The following PKMYT1 variants were observed in gnomAD, a reference collection of about 807,000 sequenced individuals.
PKMYT1 encodes membrane-associated tyrosine- and threonine-specific cdc2-inhibitory kinase.
A neutral mutation model predicts 49.7 loss-of-function variants in PKMYT1; 35 were observed. That is an observed-to-expected ratio of 0.70 (90% CI 0.54 to 0.93). PKMYT1 has a LOEUF of 0.93. Ranked by LOEUF, PKMYT1 falls within the 40% of genes least tolerant of loss-of-function variation. The pLI, the probability that PKMYT1 is intolerant of heterozygous loss-of-function variation, is 0.00. For missense variants in PKMYT1, 677 were observed against 673.1 expected (o/e 1.01, Z -0.06); for synonymous variants, 331 against 287.6 (o/e 1.15, Z -1.53).
chr16:2,973,310 TGACA>T, intron 7 of PKMYT1, 95 bp from the exon 8 acceptor site: 15 of 1,514,698 alleles, frequency 9.9e-6, no homozygotes, highest in Non-Finnish European at 1.3e-5. Context: ...GGCTCCCGCC[TGACA>T]AACAGGCAGG....
Position 2,975,428 on chromosome 16 carries a change from G to A in PKMYT1, c.763C>T (p.Leu255=). 6.2e-7 allele frequency: 1 copy of A among 1,613,274 alleles called. No homozygotes were observed. Among genetic ancestry groups the A allele is most frequent in the African/African-American group, 1.3e-5 (1 of 75,060 alleles). ...GRCKLGDFGL[L]VELGTAGAGE... The stretch of plus-strand genomic sequence containing the variant: ...GCTCCTGCTGTACCCAGCTCCACCA[G>A]CAGTCCGAAGTCACCCAGCTTGCAG... Residue 255 remains leucine (L), a synonymous_variant, in exon 4 of 9, where the codon CTG becomes TTG. Coordinates refer to ENST00000262300, the MANE Select transcript of PKMYT1 (RefSeq NM_004203.5).
At chr16:2,977,524 A>G in intron 2 of PKMYT1, 1 of 988,788 alleles carries the variant, frequency 1.0e-6, no homozygotes, top group African/African-American at 1.7e-5. Context: ...CCAGAATGGC[A>G]GTGTGTGCAG....
At chr16:2,978,516 G>A (rs1470806365) in intron 2 of PKMYT1, among the ~76,000 whole-genome samples, 1 of 152,156 alleles carries the variant, frequency 6.6e-6, no homozygotes, top group Non-Finnish European at 1.5e-5. Flanking sequence ...AGGAGGCTGA[G>A]GTGAGTAAAT....
At position 2,977,051 on chromosome 16, in the gene PKMYT1, C is replaced by CT. The variant is rs1268067109; in HGVS notation, c.11-21dup. 1 of 1,590,302 alleles carries CT rather than the reference C, an allele frequency of 6.3e-7. No individual in the cohort carries two copies. The highest frequency in any genetic ancestry group is 1.1e-5 in the South Asian group (1 of 89,094). On this transcript the variant is annotated intron_variant, in intron 2 of 8. Transcript: ENST00000262300. ...GAGGCCCTGGGGGCAGAGACAGAGG[C>CT]TGAGTACAGGGCAGCATGTCCACTC...
In PKMYT1 at chr16:2,979,803, C is replaced by G. The variant is rs553661069; in HGVS notation, c.-146G>C. 1.2e-6 allele frequency: 1 copy of G among 844,920 alleles called. No homozygotes were observed. Among genetic ancestry groups the G allele is most frequent in the South Asian group, 1.5e-5 (1 of 66,320 alleles). The allele number at this position is 844,920 out of a possible 1,614,324, so 52.3% of individuals were successfully genotyped here. On this transcript the variant is annotated 5_prime_UTR_variant, in exon 2 of 9. Coordinates refer to ENST00000262300, the MANE Select transcript of PKMYT1 (RefSeq NM_004203.5). ...GCCCTGGGCGATCGGGCCGTCTCGCCTCACCCTCTCACCAGGCCCGACACA... is the reference window on the plus strand; with the variant it reads ...GCCCTGGGCGATCGGGCCGTCTCGCGTCACCCTCTCACCAGGCCCGACACA...
Position 2,975,428 on chromosome 16 carries a change from G to C in PKMYT1, c.763C>G (p.Leu255Val), listed in dbSNP as rs1170817134. ...GRCKLGDFGL[L>V]VELGTAGAGE... is the part of the protein sequence containing the mutation. ...GCTCCTGCTGTACCCAGCTCCACCA[G>C]CAGTCCGAAGTCACCCAGCTTGCAG... The change falls in exon 4 of 9, where the codon CTG becomes GTG. Residue 255 changes from leucine (L) to valine (V), a missense_variant. By Grantham distance (32) the Leu-to-Val change is conservative. Transcript: ENST00000262300. 6.2e-7 allele frequency: 1 copy of C among 1,613,274 alleles called. No homozygotes were observed. The highest frequency in any genetic ancestry group is 8.5e-7 in the Non-Finnish European group (1 of 1,180,002).
chr16:2,977,777 A>C (rs1483137462), intron 2 of PKMYT1, among the ~76,000 whole-genome samples: 1 of 152,132 alleles, frequency 6.6e-6, no homozygotes, highest in Non-Finnish European at 1.5e-5. Context: ...GCCAAGAAGA[A>C]GGGCTCCCTC....
chr16:2,976,781 C>G lies in PKMYT1; in HGVS notation c.261G>C (p.Glu87Asp), dbSNP rs750333562. The G allele has an allele frequency of 6.3e-7, 1 of 1,577,582 alleles. No individual in the cohort carries two copies. Among genetic ancestry groups the G allele is most frequent in the Admixed American group, 1.8e-5 (1 of 56,048 alleles). Residue 87 changes from glutamate to aspartate, a missense_variant, in exon 3 of 9, where the codon GAG becomes GAC. Physicochemically the swap from Glu to Asp is conservative, Grantham distance 45. Transcript: ENST00000262300. Reference sequence around the variant, plus strand: ...CAGGGCTCTGCAGAGTCTCTGAGGCCTCGCCCCGGAATGACACCCGCCGGG... The same window carrying G: ...CAGGGCTCTGCAGAGTCTCTGAGGCGTCGCCCCGGAATGACACCCGCCGGG... ...LQPRRVSFRG[E>D]ASETLQSPGY...
chr16:2,976,855 T>C lies in PKMYT1; in HGVS notation c.187A>G (p.Ile63Val). ...PPPPAKGSIP[I>V]SRLFPPRTPG... ...GTCCGAGGAGGGAAGAGGCGGCTGA[T>C]GGGAATGCTGCCCTTGGCAGGGGGC... Residue 63 changes from isoleucine (I) to valine (V), a missense_variant, in exon 3 of 9, where the codon ATC (isoleucine) becomes GTC (valine). Physicochemically the swap from Ile to Val is conservative, Grantham distance 29. Coordinates refer to ENST00000262300, the MANE Select transcript of PKMYT1 (RefSeq NM_004203.5). The C allele has an allele frequency of 1.3e-6, 2 of 1,536,718 alleles. No individual in the cohort carries two copies. The highest frequency in any genetic ancestry group is 1.8e-6 in the Non-Finnish European group (2 of 1,138,420).
At chr16:2,976,016 C>A in intron 3 of PKMYT1, 1 of 598,612 alleles carries the variant, frequency 1.7e-6, no homozygotes, top group Non-Finnish European at 2.9e-6. Context: ...GGAGACCCAG[C>A]GACGGAGGAG....
intron 7 of PKMYT1, chr16:2,973,522 G>T: frequency 8.1e-7 from 1 of 1,228,378 alleles, no homozygotes; most frequent in South Asian, 1.3e-5. Flanking sequence ...CAAGTGCCCC[G>T]AGGGATGAGG....
chr16:2,975,594 CT>C lies in PKMYT1; in HGVS notation c.596del (p.Glu199GlyfsTer140). 6.2e-7 allele frequency: 1 copy of C among 1,611,704 alleles called. No homozygotes were observed. Among genetic ancestry groups the C allele is most frequent in the South Asian group, 1.1e-5 (1 of 91,014 alleles). On this transcript the variant is annotated frameshift_variant, in exon 4 of 9. Transcript: ENST00000262300. LOFTEE classifies it high-confidence loss of function. ...LCGPSLQQHCEAWGASLPEAQ... is the reference protein window; with the variant it reads ...LCGPSLQQHCXAWGASLPEAQ... Reference sequence around the variant, plus strand: ...CCTCAGGCAGGCTGGCACCCCAGGCCTCACAGTGTTGCTGCAGGCTGGGCCC... The same window carrying C: ...CCTCAGGCAGGCTGGCACCCCAGGCCCACAGTGTTGCTGCAGGCTGGGCCC...
At chr16:2,978,771 G>T (rs1034650802) in intron 2 of PKMYT1, among the ~76,000 whole-genome samples, 2 of 147,238 alleles carry the variant, frequency 1.4e-5, no homozygotes, top group Non-Finnish European at 3.0e-5. Context: ...AATTTAATTG[G>T]ATTGGACCGT....
intron 4 of PKMYT1, chr16:2,974,922 C>T (rs1253230997): frequency 8.8e-6 from 5 of 568,470 alleles, no homozygotes; most frequent in Non-Finnish European, 1.6e-5. Flanking sequence ...ACAGGCACCA[C>T]AGTTACTGCT....
chr16:2,980,037 GGTT>G, intron 1 of PKMYT1, 125 bp from the exon 2 acceptor site: 1 of 279,948 alleles, frequency 3.6e-6, no homozygotes, highest in Non-Finnish European at 6.9e-6. Flanking sequence ...GGCGGCGCGG[GGTT>G]GATGGACAGC....
In PKMYT1 at chr16:2,974,379, GCAT is replaced by G; in HGVS notation, c.1015_1017del (p.Met339del). 1 of 1,611,524 alleles carries G rather than the reference GCAT, an allele frequency of 6.2e-7. No individual in the cohort carries two copies. The highest frequency in any genetic ancestry group is 2.2e-5 in the East Asian group (1 of 44,858). ...GCCCGCAGCTTGGGGTCTGGCTCCA[GCAT>G]CATGACAAGGACAGAACGCAGCTCG... On this transcript the variant is annotated inframe_deletion, in exon 6 of 9. Transcript: ENST00000262300.
At chr16:2,976,002 C>G (rs1313113240) in intron 3 of PKMYT1, 190 bp from the exon 4 acceptor site, 1 of 640,478 alleles carries the variant, frequency 1.6e-6, no homozygotes, top group Non-Finnish European at 2.6e-6. Context: ...CGGGCTGGGT[C>G]TGTGGAGACC....
At position 2,974,551 on chromosome 16, in the gene PKMYT1, G is replaced by A. The variant is rs760346247; in HGVS notation, c.978C>T (p.Ala326=). Residue 326 remains alanine (A), a splice_region_variant and synonymous_variant, in exon 5 of 9, where the codon GCC becomes GCT. Coordinates refer to ENST00000262300, the MANE Select transcript of PKMYT1 (RefSeq NM_004203.5). ...CCCCTCCCGCCCTCACCTACTCACC[G>A]GCAGTGAACTCAGGGGGCAGGTAGC... is the stretch of plus-strand genomic sequence containing the variant. ...RQGYLPPEFT[A]GLSSELRSVL... 2.1e-5 allele frequency: 33 copies of A among 1,567,404 alleles called. 1 individual carries two copies. Among genetic ancestry groups the A allele is most frequent in the East Asian group, 9.2e-5 (4 of 43,500 alleles).
chr16:2,977,408 G>A (rs187876342), intron 2 of PKMYT1: 630 of 1,015,154 alleles, frequency 6.2e-4, no homozygotes, highest in Non-Finnish European at 7.2e-4. Context: ...AGACTACACG[G>A]GCCCACGATC....
Sources: allele counts gnomAD v4.1 joint callset (sites outside exome capture counted in the v4.1 genomes callset), GRCh38; gene constraint gnomAD v4.1.1; transcripts MANE v1.5; gene names NCBI Gene and HGNC (gene_info 2026-07-23, HGNC 2026-07-21).